Variants in LOC400499 observed in about 807,000 individuals in gnomAD.
the LOC400499 span, among the ~76,000 whole-genome samples, chr16:11,420,710 G>A: frequency 6.6e-6 from 1 of 151,610 alleles, no homozygotes; most frequent in South Asian, 2.1e-4. Flanking sequence ...ACGGGGAGAG[G>A]GCACCCTGGT....
At chr16:11,469,571 T>G in the LOC400499 span, 1 of 399,098 alleles carries the variant, frequency 2.5e-6, no homozygotes, top group African/African-American at 2.1e-5. Context: ...TGGGGCAAGC[T>G]GTAGCTCATG....
At chr16:11,438,607 CAAAAAA>C in the LOC400499 span, among the ~76,000 whole-genome samples, 266 of 59,844 alleles carry the variant, frequency 4.4e-3, no homozygotes, top group African/African-American at 0.02. Context: ...CCTGTCTCTG[CAAAAAA>C]AAAAAAAAAA....
the LOC400499 span, chr16:11,442,194 T>C: frequency 2.6e-5 from 4 of 152,198 alleles, no homozygotes; most frequent in South Asian, 6.2e-4. Flanking sequence ...AAAATGTATG[T>C]CATTAAACAG....
At chr16:11,443,201 G>A in the LOC400499 span, among the ~76,000 whole-genome samples, 11 of 151,786 alleles carry the variant, frequency 7.2e-5, no homozygotes, top group South Asian at 2.1e-3. Flanking sequence ...ATGGGAGCCT[G>A]TAATCCCAGC....
At chr16:11,470,532 G>A in the LOC400499 span, 1 of 152,172 alleles carries the variant, frequency 6.6e-6, no homozygotes, top group Non-Finnish European at 1.5e-5. Context: ...CAAGGCTTCG[G>A]TCTCTTGTTG....
At chr16:11,524,004 C>G in the LOC400499 span, among the ~76,000 whole-genome samples, 282 of 114,384 alleles carry the variant, frequency 2.5e-3, 2 homozygotes, top group African/African-American at 9.4e-3. Context: ...TCCCCACACC[C>G]CTCCTATACA....
the LOC400499 span, among the ~76,000 whole-genome samples, chr16:11,439,129 A>T: frequency 6.6e-6 from 1 of 151,930 alleles, no homozygotes; most frequent in Non-Finnish European, 1.5e-5. Context: ...GTCTTTCTCC[A>T]CCTCCAAAAT....
the LOC400499 span, among the ~76,000 whole-genome samples, chr16:11,468,686 G>A: frequency 5.3e-5 from 8 of 152,268 alleles, no homozygotes; most frequent in East Asian, 1.5e-3. Context: ...GGAATGCAGT[G>A]GCATGATCTC....
chr16:11,381,092 C>G, the LOC400499 span: 1 of 152,098 alleles, frequency 6.6e-6, no homozygotes, highest in Non-Finnish European at 1.5e-5. Context: ...CACAGCCTGG[C>G]CATTTGGATG....
At chr16:11,386,533 C>T in the LOC400499 span, among the ~76,000 whole-genome samples, 2 of 152,230 alleles carry the variant, frequency 1.3e-5, no homozygotes, top group Non-Finnish European at 2.9e-5. Context: ...CTTGCCAAGC[C>T]TGGGTACCGG....
chr16:11,488,175 T>C, the LOC400499 span, among the ~76,000 whole-genome samples: 21 of 152,144 alleles, frequency 1.4e-4, no homozygotes, highest in African/African-American at 5.1e-4. Flanking sequence ...TACTCCTTTT[T>C]AGGACTACCT....
the LOC400499 span, among the ~76,000 whole-genome samples, chr16:11,404,094 C>T: frequency 6.6e-6 from 1 of 152,214 alleles, no homozygotes; most frequent in Non-Finnish European, 1.5e-5. Flanking sequence ...TCCTTCTCAT[C>T]CTTCAGAACT....
At chr16:11,388,567 G>T in the LOC400499 span, among the ~76,000 whole-genome samples, 13 of 152,238 alleles carry the variant, frequency 8.5e-5, no homozygotes, top group Non-Finnish European at 1.5e-4. Context: ...AGGATACTGG[G>T]TCCCCAGGTC....
chr16:11,516,997 G>A, the LOC400499 span, among the ~76,000 whole-genome samples: 3 of 152,122 alleles, frequency 2.0e-5, no homozygotes, highest in Non-Finnish European at 2.9e-5. Flanking sequence ...CAGCAAATAC[G>A]GGGAGAGGCT....
At chr16:11,501,820 T>C in the LOC400499 span, among the ~76,000 whole-genome samples, 2 of 152,102 alleles carry the variant, frequency 1.3e-5, no homozygotes, top group African/African-American at 4.8e-5. Context: ...ACAATGGCTG[T>C]CTTTATCCGC....
At chr16:11,407,058 C>T in the LOC400499 span, 6 of 393,052 alleles carry the variant, frequency 1.5e-5, no homozygotes, top group Admixed American at 2.2e-4. Context: ...TCAATAAATC[C>T]AGCACATTGT....
the LOC400499 span, among the ~76,000 whole-genome samples, chr16:11,448,404 C>T: frequency 6.6e-6 from 1 of 152,196 alleles, no homozygotes; most frequent in South Asian, 2.1e-4. Flanking sequence ...CTTGTCTGGG[C>T]ATGGTGGCTC....
chr16:11,427,350 CAAAAAAAAAAAAAAA>C, the LOC400499 span, among the ~76,000 whole-genome samples: 2 of 38,842 alleles, frequency 5.1e-5, no homozygotes, highest in African/African-American at 1.2e-4. Flanking sequence ...CTCCATCTCA[CAAAAAAAAAAAAAAA>C]AAAAAAAAAA....
the LOC400499 span, among the ~76,000 whole-genome samples, chr16:11,496,537 G>A: frequency 1.3e-5 from 2 of 152,202 alleles, no homozygotes; most frequent in South Asian, 2.1e-4. Flanking sequence ...CCACTTGGGT[G>A]TGCAGGTGTC....
Sources: gnomAD v4.1 joint callset for allele counts (sites outside exome capture counted in the v4.1 genomes callset) on GRCh38, gnomAD v4.1.1 for gene constraint, MANE v1.5 for transcripts.